Variants in ITPKB observed in about 807,000 individuals in gnomAD.
ITPKB encodes the protein inositol-trisphosphate 3-kinase B, also known as IP3 3-kinase B.
ITPKB carries 13 observed loss-of-function variants against 69.4 expected under a neutral mutation model. That is an observed-to-expected ratio of 0.19 (90% CI 0.12 to 0.30). The LOEUF (loss-of-function observed/expected upper bound fraction) is 0.30. ITPKB is among the 10% of genes least tolerant of loss of function. ITPKB has a pLI of 1.00. For missense variants in ITPKB, 1,240 were observed against 1,250.5 expected (o/e 0.99, Z 0.13); for synonymous variants, 584 against 513.7 (o/e 1.14, Z -1.85).
In ITPKB at chr1:226,738,691, G is replaced by A. The variant is rs898416133; in HGVS notation, c.-206+350C>T. Among the ~76,000 whole-genome samples the A allele has an allele frequency of 1.2e-4, 18 of 152,132 alleles. No homozygotes were observed. Among genetic ancestry groups the A allele is most frequent in the Non-Finnish European group, 2.1e-4 (14 of 68,002 alleles). ...GGAGCCGGCGCTCTAACACCCCAGG[G>A]CAGCGCCGCGGAGCGCAGGGCTTCT... On this transcript the variant is annotated intron_variant, in intron 1 of 7. Transcript: ENST00000429204. The surrounding 1 kb of genome is among the most constrained non-coding windows in gnomAD (Gnocchi z 4.2).
At chr1:226,646,797 C>T (rs1417711901) in intron 4 of ITPKB, among the ~76,000 whole-genome samples, 1 of 152,200 alleles carries the variant, frequency 6.6e-6, no homozygotes, top group Non-Finnish European at 1.5e-5. Flanking sequence ...CAGGAAGTCA[C>T]CATCCTGCGA....
chr1:226,717,773 T>C (rs1012684620), intron 2 of ITPKB, among the ~76,000 whole-genome samples: 1 of 152,110 alleles, frequency 6.6e-6, no homozygotes, highest in Non-Finnish European at 1.5e-5. Context: ...GGGGCATGAC[T>C]CTATCCTGGA....
rs75864028 is a variant in ITPKB, at chr1:226,694,668, G to T, written c.1932+40859C>A. Among the ~76,000 whole-genome samples the T allele has an allele frequency of 3.1e-3, 473 of 152,272 alleles. 3 individuals are homozygous for T. Among genetic ancestry groups the T allele is most frequent in the African/African-American group, 0.011 (456 of 41,542 alleles). Reference sequence around the variant, plus strand: ...TCAGCAATATGAACATTTTGAACTGGGTAATTCTCTGCTGTCCTGTGCACT... The same window carrying T: ...TCAGCAATATGAACATTTTGAACTGTGTAATTCTCTGCTGTCCTGTGCACT... On this transcript the variant is annotated intron_variant, in intron 2 of 7. Coordinates refer to ENST00000429204, the MANE Select transcript of ITPKB (RefSeq NM_002221.4).
At chr1:226,665,354 A>G (rs1196795831) in intron 2 of ITPKB, among the ~76,000 whole-genome samples, 1 of 152,238 alleles carries the variant, frequency 6.6e-6, no homozygotes, top group Non-Finnish European at 1.5e-5. Flanking sequence ...GGCCATGTCA[A>G]CGCGGGCAAG....
At chr1:226,651,572 C>T (rs187437800) in intron 2 of ITPKB, among the ~76,000 whole-genome samples, 63 of 152,200 alleles carry the variant, frequency 4.1e-4, no homozygotes, top group African/African-American at 1.4e-3. Flanking sequence ...CAATAAAGAC[C>T]TCGGAGCCTG....
chr1:226,710,624 C>A (rs1344621540), intron 2 of ITPKB, among the ~76,000 whole-genome samples: 1 of 152,224 alleles, frequency 6.6e-6, no homozygotes. Flanking sequence ...CACACACCTG[C>A]CTGGGCAGAC....
In ITPKB at chr1:226,737,511, C is replaced by T; in HGVS notation, c.-53G>A. ...CGCGGCTCCCGCTCCTGCTCCGCCG[C>T]CGGCGCCTCCTCCTCCCGGCGCTCC... is the stretch of plus-strand genomic sequence containing the variant. On this transcript the variant is annotated 5_prime_UTR_variant, in exon 2 of 8. Transcript: ENST00000429204. The T allele has an allele frequency of 2.8e-6, 4 of 1,446,248 alleles. No homozygotes were observed. Among genetic ancestry groups the T allele is most frequent in the Non-Finnish European group, 2.7e-6 (3 of 1,100,778 alleles). The allele number at this position is 1,446,248 out of a possible 1,614,324, so 89.6% of individuals were successfully genotyped here. A position where few individuals can be genotyped will look rare whatever the true frequency, so the allele number is the denominator to read the frequency against.
At chr1:226,732,298 G>A (rs1186339592) in intron 2 of ITPKB, among the ~76,000 whole-genome samples, 1 of 152,152 alleles carries the variant, frequency 6.6e-6, no homozygotes, top group Non-Finnish European at 1.5e-5. Flanking sequence ...CAGTGCAGTG[G>A]TACAATCTCG....
intron 7 of ITPKB, among the ~76,000 whole-genome samples, chr1:226,636,723 T>C (rs980476939): frequency 2.7e-5 from 4 of 150,538 alleles, no homozygotes; most frequent in African/African-American, 4.9e-5. Flanking sequence ...CACCCACCCA[T>C]GGGATTAGCC....
At chr1:226,675,854 C>T (rs942257832) in intron 2 of ITPKB, among the ~76,000 whole-genome samples, 2 of 152,308 alleles carry the variant, frequency 1.3e-5, no homozygotes, top group Middle Eastern at 3.4e-3. Context: ...CGCATCCTCT[C>T]GGCTACACTT....
At position 226,641,891 on chromosome 1, in the gene ITPKB, C is replaced by T. The variant is rs762455403; in HGVS notation, c.2451+30G>A. ...CCCCCTGAGGTGGGCACGGGTGGGG[C>T]CCGAGGCTGCCCTCACTCGCCGGCC... On this transcript the variant is annotated intron_variant, in intron 5 of 7. Coordinates refer to ENST00000429204, the MANE Select transcript of ITPKB (RefSeq NM_002221.4). This position sits in a 1 kb window ranked among gnomAD's most constrained non-coding sequence, Gnocchi z 4.6. 1.3e-6 allele frequency: 2 copies of T among 1,596,608 alleles called. No individual in the cohort carries two copies. Among genetic ancestry groups the T allele is most frequent in the Non-Finnish European group, 8.6e-7 (1 of 1,168,400 alleles).
rs35767912 is a variant in ITPKB at position 226,670,175 on chromosome 1, CAAAAA to C, written c.1933-21409_1933-21405del. Among the ~76,000 whole-genome samples, 518 of 31,934 alleles carry C rather than the reference CAAAAA, an allele frequency of 0.016. 19 individuals are homozygous for C. In the South Asian group the frequency reaches 0.16, roughly 10 times the overall value. 20.9% of individuals were successfully genotyped at this position (31,934 alleles called of 152,430 possible). On this transcript the variant is annotated intron_variant, in intron 2 of 7. Coordinates refer to ENST00000429204, the MANE Select transcript of ITPKB (RefSeq NM_002221.4). ...AGGCGTGAGCCACCAAGCTCCGCCG[CAAAAA>C]AAAAAAAAAAAAAAAAAAAAAAAAT...
In ITPKB at chr1:226,634,728, C is replaced by G; in HGVS notation, c.2784G>C (p.Gly928=). Residue 928 remains glycine (G), a synonymous_variant, in exon 8 of 8, where the codon GGG becomes GGC. Coordinates refer to ENST00000429204, the MANE Select transcript of ITPKB (RefSeq NM_002221.4). This position sits in a 1 kb window ranked among gnomAD's most constrained non-coding sequence, Gnocchi z 6.3. ...EGNREDGYLS[G]LNNLVDILTE... ...TCAGGATGTCGACGAGGTTATTGAGCCCCGAGAGGTAGCCATCCTCCCGGT... is the reference window on the plus strand; with the variant it reads ...TCAGGATGTCGACGAGGTTATTGAGGCCCGAGAGGTAGCCATCCTCCCGGT... 9.3e-7 allele frequency: 1 copy of G among 1,073,526 alleles called. No homozygotes were observed. The highest frequency in any genetic ancestry group is 1.2e-5 in the South Asian group (1 of 80,166). The allele number at this position is 1,073,526 out of a possible 1,614,324, so 66.5% of individuals were successfully genotyped here. A position where few individuals can be genotyped will look rare whatever the true frequency, so the allele number is the denominator to read the frequency against.
At chr1:226,675,520 G>A (rs767802223) in intron 2 of ITPKB, among the ~76,000 whole-genome samples, 2 of 152,192 alleles carry the variant, frequency 1.3e-5, no homozygotes, top group Non-Finnish European at 2.9e-5. Context: ...GGAGGAGGAA[G>A]GAAGGGGAAA....
intron 2 of ITPKB, among the ~76,000 whole-genome samples, chr1:226,720,020 G>C (rs545183497): frequency 6.6e-6 from 1 of 152,216 alleles, no homozygotes; most frequent in Admixed American, 6.5e-5. Flanking sequence ...TTAGGGTTAA[G>C]AGTTCTCTTC....
intron 2 of ITPKB, among the ~76,000 whole-genome samples, chr1:226,708,386 T>C (rs1656862892): frequency 6.6e-6 from 1 of 152,188 alleles, no homozygotes; most frequent in African/African-American, 2.4e-5. Context: ...CCCACCCAAA[T>C]GTATGCTCTT....
intron 2 of ITPKB, among the ~76,000 whole-genome samples, chr1:226,723,413 CAG>C (rs1657303392): frequency 6.6e-6 from 1 of 152,110 alleles, no homozygotes; most frequent in East Asian, 1.9e-4. Context: ...TCCTTAATCT[CAG>C]AGAGAGCCTG....
In ITPKB at chr1:226,736,590, G is replaced by A. The variant is rs145808681; in HGVS notation, c.869C>T (p.Ala290Val). 1.4e-4 allele frequency: 226 copies of A among 1,613,904 alleles called. 1 individual carries two copies. In the East Asian group the frequency reaches 3.7e-3, roughly 26 times the overall value. ...SPTPGTRSCL[A>V]PSLGLFGASL... ...AGCTCCGAACAGCCCCAATGAGGGA[G>A]CTAGGCAGCTCCGAGTTCCCGGGGT... The change falls in exon 2 of 8, where the codon GCT becomes GTT. Residue 290 changes from alanine (A) to valine (V), a missense_variant. By Grantham distance (64) the Ala-to-Val change is moderately conservative. Around this residue, in one of 2 missense-constraint regions of ITPKB, gnomAD observed 992 missense variants for 853.8 expected, o/e 1.16. Transcript: ENST00000429204.
intron 2 of ITPKB, among the ~76,000 whole-genome samples, chr1:226,729,706 G>A (rs1340909650): frequency 6.6e-6 from 1 of 151,870 alleles, no homozygotes; most frequent in Admixed American, 6.6e-5. Flanking sequence ...AGCCTCCTGA[G>A]TAGCTGGGAT....
Sources: gnomAD v4.1 joint callset for allele counts (sites outside exome capture counted in the v4.1 genomes callset) on GRCh38, gnomAD v4.1.1 for gene constraint, gnomAD v4.1.1 regional missense constraint, Gnocchi (gnomAD v3.1) non-coding constraint, MANE v1.5 for transcripts, NCBI Gene and HGNC (gene_info 2026-07-23, HGNC 2026-07-21) for gene names.